The following PIK3AP1 variants were observed in gnomAD, a reference collection of about 807,000 sequenced individuals.
PIK3AP1 encodes the protein phosphoinositide 3-kinase adapter protein 1.
Under a neutral mutation model 88.1 loss-of-function variants are expected in PIK3AP1, and 21 were observed. The observed-to-expected ratio is 0.24, with a 90% CI of 0.17 to 0.34. The LOEUF (loss-of-function observed/expected upper bound fraction) is 0.34, where lower values mean the gene tolerates loss of function less well. Ranked by LOEUF, PIK3AP1 falls within the 10% of genes least tolerant of loss-of-function variation. The probability of loss-of-function intolerance (pLI) is 1.00; values close to 1 mark genes in which losing one functional copy is unlikely to be tolerated. For synonymous variants in PIK3AP1, 398 were observed against 400.0 expected (o/e 1.00, Z 0.06); for missense variants, 828 against 1,035.7 (o/e 0.80, Z 2.75).
At chr10:96,667,637 T>G (rs1224360728) in intron 2 of PIK3AP1, among the ~76,000 whole-genome samples, 1 of 151,872 alleles carries the variant, frequency 6.6e-6, no homozygotes, top group Admixed American at 6.6e-5. Flanking sequence ...TGCACCCTGG[T>G]GAGACCAGGA....
chr10:96,613,983 G>A (rs773464115), intron 13 of PIK3AP1, among the ~76,000 whole-genome samples: 11 of 152,192 alleles, frequency 7.2e-5, no homozygotes, highest in Non-Finnish European at 1.5e-4. Flanking sequence ...GCTAGTGAGG[G>A]GTGAGCAGTG....
chr10:96,642,441 AAAC>A (rs1479025603), intron 8 of PIK3AP1, among the ~76,000 whole-genome samples: 3 of 137,844 alleles, frequency 2.2e-5, no homozygotes, highest in African/African-American at 5.3e-5. Flanking sequence ...AAAAAAAAAA[AAAC>A]AGAAAGAAAG....
chr10:96,682,236 G>A (rs1351120536), intron 2 of PIK3AP1, among the ~76,000 whole-genome samples: 3 of 152,102 alleles, frequency 2.0e-5, no homozygotes, highest in Admixed American at 6.5e-5. Context: ...CAATTCTAAC[G>A]ATTGAAGCTT....
intron 12 of PIK3AP1, among the ~76,000 whole-genome samples, chr10:96,618,316 CA>C (rs1466375751): frequency 6.6e-6 from 1 of 151,954 alleles, no homozygotes; most frequent in Admixed American, 6.5e-5. Flanking sequence ...ACAACGATAA[CA>C]AAAAAACCAT....
At chr10:96,671,127 C>G (rs1843840489) in intron 2 of PIK3AP1, among the ~76,000 whole-genome samples, 2 of 152,204 alleles carry the variant, frequency 1.3e-5, no homozygotes, top group South Asian at 2.1e-4. Context: ...AGCATCACAG[C>G]TATTGTCATG....
At chr10:96,649,595 A>AG (rs1332174510) in intron 6 of PIK3AP1, among the ~76,000 whole-genome samples, 1 of 152,192 alleles carries the variant, frequency 6.6e-6, no homozygotes, top group Non-Finnish European at 1.5e-5. Context: ...CTTATTCCTA[A>AG]TTTCATGATA....
At chr10:96,637,340 A>C (rs1461469906) in intron 8 of PIK3AP1, among the ~76,000 whole-genome samples, 4 of 151,602 alleles carry the variant, frequency 2.6e-5, no homozygotes, top group Admixed American at 2.6e-4. Context: ...ACACACACAC[A>C]CACACACACA....
chr10:96,611,178 T>G (rs1385006039), intron 13 of PIK3AP1, among the ~76,000 whole-genome samples: 2 of 152,196 alleles, frequency 1.3e-5, no homozygotes, highest in Admixed American at 6.5e-5. Flanking sequence ...TCAGAGTGGA[T>G]TGTTGGCTTG....
chr10:96,633,958 A>G (rs1302714333), intron 8 of PIK3AP1, among the ~76,000 whole-genome samples: 1 of 152,188 alleles, frequency 6.6e-6, no homozygotes, highest in Non-Finnish European at 1.5e-5. Context: ...GACACTAAGT[A>G]CTGGCTTGAT....
intron 4 of PIK3AP1, among the ~76,000 whole-genome samples, chr10:96,651,895 C>CA (rs1449621238): frequency 5.9e-5 from 9 of 152,028 alleles, no homozygotes; most frequent in African/African-American, 1.7e-4. Context: ...ACTTAATTTT[C>CA]AAAAAATTTT....
intron 1 of PIK3AP1, among the ~76,000 whole-genome samples, chr10:96,719,184 C>T (rs1844540802): frequency 6.6e-6 from 1 of 152,208 alleles, no homozygotes; most frequent in Non-Finnish European, 1.5e-5. Context: ...TGATTAACTA[C>T]CTTCCCATCC....
At chr10:96,646,453 C>T (rs1369655247) in intron 7 of PIK3AP1, among the ~76,000 whole-genome samples, 1 of 152,070 alleles carries the variant, frequency 6.6e-6, no homozygotes, top group African/African-American at 2.4e-5. Context: ...ATCCTGATTT[C>T]TGATACTTCT....
intron 7 of PIK3AP1, among the ~76,000 whole-genome samples, chr10:96,645,912 G>T (rs544051315): frequency 7.2e-5 from 11 of 152,080 alleles, no homozygotes; most frequent in Admixed American, 2.0e-4. Flanking sequence ...ACAGAGTTAG[G>T]CACTCAGGAA....
intron 3 of PIK3AP1, among the ~76,000 whole-genome samples, chr10:96,653,936 C>T (rs1287866742): frequency 6.6e-6 from 1 of 152,242 alleles, no homozygotes; most frequent in Non-Finnish European, 1.5e-5. Context: ...AGTCCTGCTA[C>T]TCAAGGCGGA....
rs1848916685 is a variant in PIK3AP1 at position 96,602,483 on chromosome 10, G to T, written c.2242-85C>A. 10 of 1,185,376 alleles carry T rather than the reference G, an allele frequency of 8.4e-6. No homozygotes were observed. The Admixed American group carries it at 1.4e-4, about 17-fold the overall frequency. The allele number at this position is 1,185,376 out of a possible 1,614,324, so 73.4% of individuals were successfully genotyped here. Reference sequence around the variant, plus strand: ...GACAACCGTAACTCAAAAGCCCCTTGGTCCTCCTTAGGCTGGGGCTGAAGG... The same window carrying T: ...GACAACCGTAACTCAAAAGCCCCTTTGTCCTCCTTAGGCTGGGGCTGAAGG... On this transcript the variant is annotated intron_variant, in intron 15 of 16. Transcript: ENST00000339364.
intron 2 of PIK3AP1, among the ~76,000 whole-genome samples, chr10:96,668,121 C>T (rs1333014078): frequency 5.3e-5 from 8 of 151,900 alleles, no homozygotes; most frequent in South Asian, 2.1e-4. Flanking sequence ...GTGATGGCTG[C>T]GCAACATTGT....
In PIK3AP1 at chr10:96,661,846, GGGAAAGGGAAA is replaced by G. The variant is rs1312071161; in HGVS notation, c.431-4923_431-4913del. ...ACAGGACAGGAAAGGAAAGGGAAAA[GGGAAAGGGAAA>G]GGAAAGGGAAAGGAGAGGGGAAAGT... is the stretch of plus-strand genomic sequence containing the variant. On this transcript the variant is annotated intron_variant, in intron 2 of 16. Transcript: ENST00000339364. 6.7e-3 allele frequency among the ~76,000 whole-genome samples: 873 copies of G among 129,810 alleles called. 2 individuals are homozygous for G. The highest frequency in any genetic ancestry group is 0.016 in the African/African-American group (544 of 34,480). 85.2% of individuals were successfully genotyped at this position (129,810 alleles called of 152,430 possible). A position where few individuals can be genotyped will look rare whatever the true frequency, so the allele number is the denominator to read the frequency against.
At chr10:96,705,884 GTTTTT>G (rs964917515) in intron 2 of PIK3AP1, among the ~76,000 whole-genome samples, 2 of 60,968 alleles carry the variant, frequency 3.3e-5, no homozygotes, top group African/African-American at 7.9e-5. Flanking sequence ...CCAGCCAGTT[GTTTTT>G]TTTTTTTTTT....
At chr10:96,687,262 AAAAAAAAAAAAAAAAAAAAAAAAG>A (rs1181927243) in intron 2 of PIK3AP1, among the ~76,000 whole-genome samples, 1 of 137,740 alleles carries the variant, frequency 7.3e-6, no homozygotes, top group African/African-American at 3.3e-5. Flanking sequence ...TCTCAAAAAA[AAAAAAAAAAAAAAAAAAAAAAAAG>A]AAAAAAGATC....
Sources: gnomAD v4.1 joint callset for allele counts (sites outside exome capture counted in the v4.1 genomes callset) on GRCh38, gnomAD v4.1.1 for gene constraint, MANE v1.5 for transcripts, NCBI Gene and HGNC (gene_info 2026-07-23, HGNC 2026-07-21) for gene names.